PRPF18: variants seen among roughly 807,000 people sequenced by gnomAD.
The protein encoded by PRPF18 is pre-mRNA-splicing factor 18.
Under a neutral mutation model 46.5 loss-of-function variants are expected in PRPF18, and 38 were observed. The ratio of observed to expected loss-of-function variants is 0.82; its 90% CI spans 0.63 to 1.07. PRPF18 has a LOEUF of 1.07. Ranked by LOEUF, PRPF18 falls within the 50% of genes least tolerant of loss-of-function variation. The pLI, the probability that PRPF18 is intolerant of heterozygous loss-of-function variation, is 0.00. For synonymous variants in PRPF18, 152 were observed against 146.7 expected (o/e 1.04, Z -0.26); for missense variants, 263 against 410.0 (o/e 0.64, Z 3.10).
chr10:13,649,884 A>C, the PRPF18 span, among the ~76,000 whole-genome samples: 1 of 152,222 alleles, frequency 6.6e-6, no homozygotes, highest in Non-Finnish European at 1.5e-5. Flanking sequence ...CTAAAAACCT[A>C]AGTCAGTCAT....
chr10:13,598,013 C>T (rs1387510716), intron 2 of PRPF18, among the ~76,000 whole-genome samples: 1 of 152,088 alleles, frequency 6.6e-6, no homozygotes, highest in Non-Finnish European at 1.5e-5. Context: ...GTTAATACGT[C>T]CTTTTGGGTC....
intron 4 of PRPF18, among the ~76,000 whole-genome samples, chr10:13,607,637 C>T (rs1365555140): frequency 6.6e-6 from 1 of 152,186 alleles, no homozygotes; most frequent in Non-Finnish European, 1.5e-5. Context: ...TCTTGAACTC[C>T]TCTACTCAAG....
At chr10:13,639,334 T>A in the PRPF18 span, 1 of 152,284 alleles carries the variant, frequency 6.6e-6, no homozygotes, top group East Asian at 1.9e-4. Flanking sequence ...CAAATCTCCA[T>A]CAGAGTAAGA....
chr10:13,618,896 GC>G (rs2080385675), intron 9 of PRPF18, among the ~76,000 whole-genome samples: 1 of 152,150 alleles, frequency 6.6e-6, no homozygotes, highest in South Asian at 2.1e-4. Flanking sequence ...GAGAATCTGG[GC>G]AAGAGTTCTA....
At chr10:13,637,281 A>C in the PRPF18 span, 2 of 152,212 alleles carry the variant, frequency 1.3e-5, no homozygotes, top group African/African-American at 2.4e-5. Flanking sequence ...ACCAGTTAAC[A>C]CATTCCCACA....
At chr10:13,629,914 G>A (rs1031858726) in intron 9 of PRPF18, among the ~76,000 whole-genome samples, 5 of 152,236 alleles carry the variant, frequency 3.3e-5, no homozygotes, top group African/African-American at 9.6e-5. Flanking sequence ...ACCTGGTTGA[G>A]ACTGGCCGAA....
intron 6 of PRPF18, 67 bp from the exon 7 acceptor site, chr10:13,613,674 G>C: frequency 1.3e-6 from 2 of 1,492,576 alleles, no homozygotes; most frequent in Non-Finnish European, 1.8e-6. Context: ...TTGTGTGCTA[G>C]AGAGCATTTA....
chr10:13,590,252 A>AT (rs915932157), intron 1 of PRPF18, among the ~76,000 whole-genome samples: 14 of 151,680 alleles, frequency 9.2e-5, no homozygotes, highest in East Asian at 5.8e-4. Flanking sequence ...GATAAGATTG[A>AT]TTTTTTCAAT....
intron 2 of PRPF18, among the ~76,000 whole-genome samples, chr10:13,599,838 T>C (rs1171085245): frequency 6.6e-6 from 1 of 152,246 alleles, no homozygotes; most frequent in Non-Finnish European, 1.5e-5. Flanking sequence ...TATCTTCATT[T>C]TGAAGCCGAG....
chr10:13,591,930 T>G (rs770133871), intron 1 of PRPF18: 33,092 of 792,016 alleles, frequency 0.042, 44 homozygotes, highest in East Asian at 0.14. Context: ...AACTGAGGGT[T>G]TTTTTTTTTT....
At chr10:13,651,854 TG>T in the PRPF18 span, 1 of 893,530 alleles carries the variant, frequency 1.1e-6, no homozygotes, top group Middle Eastern at 2.1e-4. Flanking sequence ...GCAACACATG[TG>T]GGACCACAGA....
rs1406762904 is a variant in PRPF18 at position 13,600,274 on chromosome 10, T to A, written c.175T>A (p.Leu59Ile). ...IQPKEEDQKP[L>I]TSSNPVLELE... Reference sequence around the variant, plus strand: ...GCCAAAAGAGGAGGACCAGAAACCATTAACTTCATCGAATCCAGTGTTAGA... The same window carrying A: ...GCCAAAAGAGGAGGACCAGAAACCAATAACTTCATCGAATCCAGTGTTAGA... Residue 59 changes from leucine to isoleucine, a missense_variant, in exon 3 of 10, where the codon TTA becomes ATA. By Grantham distance (5) the Leu-to-Ile change is conservative. Around this residue, in one of 4 missense-constraint regions of PRPF18, gnomAD observed 71 missense variants for 69.2 expected, o/e 1.03. Coordinates refer to ENST00000378572, the MANE Select transcript of PRPF18 (RefSeq NM_003675.4). 1 of 1,612,126 alleles carries A rather than the reference T, an allele frequency of 6.2e-7. No homozygotes were observed. Among genetic ancestry groups the A allele is most frequent in the South Asian group, 1.1e-5 (1 of 90,846 alleles).
intron 9 of PRPF18, among the ~76,000 whole-genome samples, chr10:13,618,422 G>GT (rs2080375502): frequency 6.6e-6 from 1 of 151,928 alleles, no homozygotes; most frequent in Admixed American, 6.6e-5. Context: ...GAGGCCAGGA[G>GT]TTTAAGACTA....
intron 4 of PRPF18, 139 bp downstream of exon 4, chr10:13,605,883 A>AT: frequency 8.0e-7 from 1 of 1,248,548 alleles, no homozygotes; most frequent in Non-Finnish European, 1.0e-6. Flanking sequence ...GTTTTCATTA[A>AT]TTTTTTGAAA....
At chr10:13,622,107 A>T (rs1454651229) in intron 9 of PRPF18, among the ~76,000 whole-genome samples, 1 of 152,198 alleles carries the variant, frequency 6.6e-6, no homozygotes, top group Non-Finnish European at 1.5e-5. Flanking sequence ...TATGTCACAC[A>T]CTTGTGGGTT....
chr10:13,618,084 C>T (rs1282826696), intron 9 of PRPF18, among the ~76,000 whole-genome samples: 3 of 152,144 alleles, frequency 2.0e-5, no homozygotes, highest in Non-Finnish European at 4.4e-5. Flanking sequence ...GCTGTCCTGT[C>T]GAACCTTTTA....
intron 2 of PRPF18, among the ~76,000 whole-genome samples, chr10:13,599,124 TC>T (rs1269063731): frequency 6.6e-6 from 1 of 152,204 alleles, no homozygotes; most frequent in Non-Finnish European, 1.5e-5. Context: ...CACAGGTGTT[TC>T]TTTCTAAAGA....
chr10:13,620,502 C>G (rs959747500), intron 9 of PRPF18, among the ~76,000 whole-genome samples: 1 of 152,162 alleles, frequency 6.6e-6, no homozygotes, highest in Non-Finnish European at 1.5e-5. Context: ...ATTCTTGATA[C>G]GTGTCATGTA....
At chr10:13,641,547 G>T in the PRPF18 span, 1 of 152,180 alleles carries the variant, frequency 6.6e-6, no homozygotes, top group African/African-American at 2.4e-5. Flanking sequence ...ATAAAGGGAA[G>T]GAGTCTAAGG....
Sources: gnomAD v4.1 joint callset for allele counts (sites outside exome capture counted in the v4.1 genomes callset) on GRCh38, gnomAD v4.1.1 for gene constraint, gnomAD v4.1.1 regional missense constraint, MANE v1.5 for transcripts, NCBI Gene and HGNC (gene_info 2026-07-23, HGNC 2026-07-21) for gene names.